Variants in TGM7 observed in about 807,000 individuals in gnomAD.
TGM7 encodes the protein protein-glutamine gamma-glutamyltransferase Z.
Under a neutral mutation model 79.5 loss-of-function variants are expected in TGM7, and 74 were observed. The observed-to-expected ratio is 0.93, with a 90% CI of 0.77 to 1.13. TGM7 has a LOEUF of 1.13. TGM7 is among the 50% of genes most tolerant of loss of function. The pLI, the probability that TGM7 is intolerant of heterozygous loss-of-function variation, is 0.00. For synonymous variants in TGM7, 354 were observed against 362.5 expected, an observed-to-expected ratio of 0.98 and a Z score of 0.27; for missense variants, 912 against 905.9, an observed-to-expected ratio of 1.01 and a Z score of -0.09.
rs2042975762 is a variant in TGM7, at chr15:43,293,592, G to A, written c.50C>T (p.Ser17Phe). 2 of 1,609,850 alleles carry A rather than the reference G, an allele frequency of 1.2e-6. No individual in the cohort carries two copies. The highest frequency in any genetic ancestry group is 1.7e-6 in the Non-Finnish European group (2 of 1,179,280). Residue 17 changes from serine to phenylalanine, a missense_variant, in exon 2 of 13, where the codon TCC (serine) becomes TTC (phenylalanine). Ser to Phe is a radical substitution (Grantham distance 155). Transcript: ENST00000452443. ...CGTGTGGTGCTCCTTGTTGTTCCTGGAGCTCTGCAGGTCGACAGACTCAAG... is the reference window on the plus strand; with the variant it reads ...CGTGTGGTGCTCCTTGTTGTTCCTGAAGCTCTGCAGGTCGACAGACTCAAG... ...LRLESVDLQSSRNNKEHHTQE... is the reference protein window; with the variant it reads ...LRLESVDLQSFRNNKEHHTQE...
At chr15:43,286,765 C>T (rs2042937588) in intron 6 of TGM7, among the ~76,000 whole-genome samples, 1 of 152,210 alleles carries the variant, frequency 6.6e-6, no homozygotes. Context: ...CAACTTTGCA[C>T]TGAATTGTAA....
At chr15:43,281,053 G>T (rs187905425) in intron 9 of TGM7, among the ~76,000 whole-genome samples, 3 of 152,296 alleles carry the variant, frequency 2.0e-5, no homozygotes, top group African/African-American at 7.2e-5. Context: ...CATTTGTGCC[G>T]CCTCCAACAG....
At chr15:43,282,346 G>A (rs2042913740) in intron 8 of TGM7, among the ~76,000 whole-genome samples, 171 bp downstream of exon 8, 1 of 152,198 alleles carries the variant, frequency 6.6e-6, no homozygotes, top group Non-Finnish European at 1.5e-5. Context: ...CCATCCGGGT[G>A]ACTCTGTCAA....
At chr15:43,297,748 CCTCCAT>C (rs749627588) in intron 1 of TGM7, among the ~76,000 whole-genome samples, 16 of 152,230 alleles carry the variant, frequency 1.1e-4, no homozygotes, top group Non-Finnish European at 2.2e-4. Context: ...CTCACTCACG[CCTCCAT>C]CTCTCCACTC....
intron 7 of TGM7, among the ~76,000 whole-genome samples, chr15:43,284,282 C>T (rs535351284): frequency 2.6e-5 from 4 of 152,046 alleles, no homozygotes; most frequent in African/African-American, 7.2e-5. Flanking sequence ...GCGGGTAGAG[C>T]TGAGAACAAA....
rs2042941578 is a variant in TGM7 at position 43,287,476 on chromosome 15, T to G, written c.688-19A>C. Reference sequence around the variant, plus strand: ...TGTTGATCTGCAGAGGACAGACAGGTGGGTTTCCACAGCTCCCGGGGAAGC... The same window carrying G: ...TGTTGATCTGCAGAGGACAGACAGGGGGGTTTCCACAGCTCCCGGGGAAGC... On this transcript the variant is annotated intron_variant, in intron 5 of 12. Coordinates refer to ENST00000452443, the MANE Select transcript of TGM7 (RefSeq NM_052955.3). The G allele has an allele frequency of 6.2e-7, 1 of 1,613,262 alleles. No homozygotes were observed. Among genetic ancestry groups the G allele is most frequent in the Admixed American group, 1.7e-5 (1 of 59,974 alleles).
intron 1 of TGM7, among the ~76,000 whole-genome samples, chr15:43,300,004 G>A (rs1432308303): frequency 6.6e-6 from 1 of 152,076 alleles, no homozygotes; most frequent in East Asian, 1.9e-4. Flanking sequence ...TCTCCCACTA[G>A]CCCATAAATA....
chr15:43,298,659 A>C (rs959224386), intron 1 of TGM7, among the ~76,000 whole-genome samples: 1 of 152,150 alleles, frequency 6.6e-6, no homozygotes, highest in Non-Finnish European at 1.5e-5. Context: ...AGGCTGAGGC[A>C]GAAGAATTGC....
chr15:43,278,648 C>T (rs1434932248), intron 11 of TGM7, among the ~76,000 whole-genome samples: 1 of 152,172 alleles, frequency 6.6e-6, no homozygotes, highest in African/African-American at 2.4e-5. Flanking sequence ...GAGGCAAGGT[C>T]TCGCTATGTT....
intron 10 of TGM7, 33 bp from the exon 11 acceptor site, chr15:43,279,310 G>C: frequency 6.2e-7 from 1 of 1,603,416 alleles, no homozygotes; most frequent in Non-Finnish European, 8.5e-7. Context: ...TTGAGTCCAG[G>C]ACATGGACCA....
At chr15:43,301,509 A>T (rs528766394) in intron 1 of TGM7, among the ~76,000 whole-genome samples, 1 of 151,706 alleles carries the variant, frequency 6.6e-6, no homozygotes, top group African/African-American at 2.4e-5. Context: ...AGGCACCTGT[A>T]ATCCCAGCTA....
chr15:43,285,849 AACACAC>A (rs57197257), intron 6 of TGM7, among the ~76,000 whole-genome samples: 1 of 150,196 alleles, frequency 6.7e-6, no homozygotes, highest in Non-Finnish European at 1.5e-5. Flanking sequence ...CATACACACA[AACACAC>A]ACACACACAC....
At chr15:43,288,469 T>C (rs2042947982) in intron 4 of TGM7, among the ~76,000 whole-genome samples, 2 of 152,170 alleles carry the variant, frequency 1.3e-5, no homozygotes, top group Admixed American at 1.3e-4. Context: ...GTTGACTGGA[T>C]ATTGGATGTT....
At chr15:43,288,510 G>A (rs530963771) in intron 4 of TGM7, among the ~76,000 whole-genome samples, 8 of 150,732 alleles carry the variant, frequency 5.3e-5, no homozygotes, top group Admixed American at 6.6e-5. Flanking sequence ...TTTTTTTTCC[G>A]TTACAATCAT....
intron 8 of TGM7, among the ~76,000 whole-genome samples, 174 bp downstream of exon 8, chr15:43,282,343 G>C (rs2042913723): frequency 6.6e-6 from 1 of 152,186 alleles, no homozygotes; most frequent in Non-Finnish European, 1.5e-5. Flanking sequence ...AACCCATCCG[G>C]GTGACTCTGT....
intron 2 of TGM7, 58 bp from the exon 3 acceptor site, chr15:43,293,012 T>G: frequency 6.3e-7 from 1 of 1,579,870 alleles, no homozygotes; most frequent in Non-Finnish European, 8.6e-7. Flanking sequence ...GGTATATGAT[T>G]CCAGGGGAGT....
At chr15:43,288,684 C>T (rs1353426684) in intron 4 of TGM7, among the ~76,000 whole-genome samples, 2 of 152,132 alleles carry the variant, frequency 1.3e-5, no homozygotes, top group Non-Finnish European at 2.9e-5. Context: ...AATCCCAGTA[C>T]TTCGAGAGGC....
At position 43,279,638 on chromosome 15, in the gene TGM7, C is replaced by T. The variant is rs1566842439; in HGVS notation, c.1665G>A (p.Leu555=). The T allele has an allele frequency of 6.3e-7, 1 of 1,590,690 alleles. No homozygotes were observed. The highest frequency in any genetic ancestry group is 2.2e-5 in the East Asian group (1 of 44,520). ...CCTCACACTCACCCTTCCCAAAGTC[C>T]AGGTTCATCCGCACTGTGTGCCTCC... ...PFWRHTVRMN[L]DFGKETQWPL... Residue 555 remains leucine, a synonymous_variant, in exon 10 of 13, where the codon CTG becomes CTA. Transcript: ENST00000452443.
At chr15:43,287,788 G>A (rs1313350846) in intron 4 of TGM7, 119 bp from the exon 5 acceptor site, 9 of 1,192,068 alleles carry the variant, frequency 7.5e-6, no homozygotes, top group South Asian at 3.1e-5. Flanking sequence ...GGCAGGGGGA[G>A]GGCGCTAAAT....
Sources: allele counts gnomAD v4.1 joint callset (sites outside exome capture counted in the v4.1 genomes callset), GRCh38; gene constraint gnomAD v4.1.1; transcripts MANE v1.5; gene names NCBI Gene and HGNC (gene_info 2026-07-23, HGNC 2026-07-21).